Variants in LPA observed in about 807,000 individuals in gnomAD.
LPA encodes lipoprotein(a).
Under a neutral mutation model 197.9 loss-of-function variants are expected in LPA, and 199 were observed. That is an observed-to-expected ratio of 1.01 (90% CI 0.90 to 1.13). The LOEUF (loss-of-function observed/expected upper bound fraction) is 1.13, where lower values mean the gene tolerates loss of function less well. Among genes scored for constraint, LPA ranks in the 50% most tolerant of loss-of-function variants. The pLI is 0.00. For synonymous variants in LPA, 715 were observed against 639.5 expected (o/e 1.12, Z -1.78); for missense variants, 1,853 against 1,785.8 (o/e 1.04, Z -0.68).
At chr6:160,565,883 A>C (rs6938647) in intron 28 of LPA, among the ~76,000 whole-genome samples, 129,966 of 152,182 alleles carry the variant, frequency 0.85, 55,965 homozygotes, top group East Asian at 1. Flanking sequence ...GTGACACATG[A>C]ACAAGTTTCA....
chr6:160,611,854 G>A (rs1212605305), intron 15 of LPA, 133 bp from the exon 16 acceptor site: 7 of 836,550 alleles, frequency 8.4e-6, no homozygotes, highest in South Asian at 1.8e-5. Flanking sequence ...TAGGCAGATG[G>A]ATGGGAGAAA....
intron 2 of LPA, 91 bp downstream of exon 2, chr6:160,650,247 T>C (rs542633644): frequency 3.0e-6 from 4 of 1,344,384 alleles, no homozygotes; most frequent in Middle Eastern, 2.6e-4. Context: ...GTGAGAAAAA[T>C]TTAATCATAA....
At chr6:160,532,025 C>G (rs547117221) in intron 38 of LPA, 135 bp from the exon 39 acceptor site, 3 of 990,292 alleles carry the variant, frequency 3.0e-6, no homozygotes, top group Non-Finnish European at 4.7e-6. Flanking sequence ...GCATATTACT[C>G]AAGCATCTGC....
chr6:160,555,436 C>CATATATATAT (rs770158265), intron 30 of LPA, among the ~76,000 whole-genome samples: 57 of 121,990 alleles, frequency 4.7e-4, no homozygotes, highest in African/African-American at 1.1e-3. Context: ...TTCCCTAGAA[C>CATATATATAT]ATATATATAT....
chr6:160,572,127 G>A (rs1453025495), intron 28 of LPA, among the ~76,000 whole-genome samples: 1 of 152,198 alleles, frequency 6.6e-6, no homozygotes, highest in Non-Finnish European at 1.5e-5. Context: ...GGCTAGGGGA[G>A]GGAGTTCCCT....
In LPA at chr6:160,542,714, C is replaced by T. The variant is rs1480015719; in HGVS notation, c.5493G>A (p.Trp1831Ter). 2 of 1,613,708 alleles carry T rather than the reference C, an allele frequency of 1.2e-6. No homozygotes were observed. Among genetic ancestry groups the T allele is most frequent in the African/African-American group, 1.3e-5 (1 of 74,864 alleles). The change falls in exon 34 of 39, where the codon TGG becomes TGA. Residue 1831 changes from tryptophan (W) to a stop codon, truncating the protein, a stop_gained. Transcript: ENST00000316300. LOFTEE classifies it high-confidence loss of function. The part of the protein sequence containing the change: ...VGGCVAHPHS[W>*]PWQVSLRTRF... ...TTGTTCTGAGACTGACTTGCCAGGG[C>T]CAGGAATGTGGGTGGGCCACACACC... is the stretch of plus-strand genomic sequence containing the variant.
At position 160,575,428 on chromosome 6, in the gene LPA, A is replaced by T. The variant is rs963201038; in HGVS notation, c.4631+1708T>A. On this transcript the variant is annotated intron_variant, in intron 28 of 38. Coordinates refer to ENST00000316300, the MANE Select transcript of LPA (RefSeq NM_005577.4). ...CTTCTTGTATGTCTAGTAAATTTTT[A>T]AATTTATGTCACATATTGTGGATGC... Among the ~76,000 whole-genome samples, 4 of 152,276 alleles carry T rather than the reference A, an allele frequency of 2.6e-5. No individual in the cohort carries two copies. The East Asian group carries it at 5.8e-4, about 22-fold the overall frequency.
At chr6:160,610,442 T>C (rs1351612524) in intron 16 of LPA, among the ~76,000 whole-genome samples, 4 of 152,154 alleles carry the variant, frequency 2.6e-5, no homozygotes, top group Non-Finnish European at 5.9e-5. Context: ...GTGAGCACTC[T>C]CTCATCTAGC....
intron 28 of LPA, among the ~76,000 whole-genome samples, chr6:160,572,662 T>A (rs1778583899): frequency 6.6e-6 from 1 of 152,216 alleles, no homozygotes; most frequent in Non-Finnish European, 1.5e-5. Context: ...CCTTCATATA[T>A]GATGCTTACT....
At chr6:160,662,068 T>C (rs1780236338) in intron 1 of LPA, among the ~76,000 whole-genome samples, 1 of 152,194 alleles carries the variant, frequency 6.6e-6, no homozygotes, top group East Asian at 1.9e-4. Flanking sequence ...TGCTAGGAAA[T>C]ATCCCAAAAC....
In LPA at chr6:160,555,455, A is replaced by ATATATATATATATG. The variant is rs1287454419; in HGVS notation, c.4973+569_4973+570insCATATATATATATA. ...CTAGAACATATATATATATATATAT[A>ATATATATATATATG]TGTGTGTGTATATATATATGTATAT... is the stretch of plus-strand genomic sequence containing the variant. On this transcript the variant is annotated intron_variant, in intron 30 of 38. Coordinates refer to ENST00000316300, the MANE Select transcript of LPA (RefSeq NM_005577.4). 5.5e-3 allele frequency among the ~76,000 whole-genome samples: 728 copies of ATATATATATATATG among 133,006 alleles called. 1 individual carries two copies. The highest frequency in any genetic ancestry group is 0.018 in the South Asian group (74 of 4,094). 87.3% of individuals were successfully genotyped at this position (133,006 alleles called of 152,430 possible). A position where few individuals can be genotyped will look rare whatever the true frequency, so the allele number is the denominator to read the frequency against.
intron 30 of LPA, among the ~76,000 whole-genome samples, chr6:160,552,600 A>G (rs955101785): frequency 2.0e-5 from 3 of 152,198 alleles, no homozygotes; most frequent in African/African-American, 7.2e-5. Context: ...TGTTTCTTCA[A>G]TTTGACCACA....
Position 160,560,501 on chromosome 6 carries a change from GTA to G in LPA, c.4632-2932_4632-2931del, listed in dbSNP as rs570973679. ...TCGCCATTCTAACGGGCATGAGATG[GTA>G]TCTCATTGTGGTTTCGATTTGCATT... On this transcript the variant is annotated intron_variant, in intron 28 of 38. Transcript: ENST00000316300. Among the ~76,000 whole-genome samples the G allele has an allele frequency of 3.3e-5, 5 of 152,308 alleles. No homozygotes were observed. In the South Asian group the frequency reaches 1.0e-3, roughly 32 times the overall value.
At chr6:160,550,169 C>T (rs1482907845) in intron 30 of LPA, among the ~76,000 whole-genome samples, 1 of 151,232 alleles carries the variant, frequency 6.6e-6, no homozygotes, top group Non-Finnish European at 1.5e-5. Context: ...TGCAATCAGC[C>T]GAGATTGGGC....
intron 19 of LPA, 143 bp downstream of exon 19, chr6:160,600,774 G>T: frequency 1.1e-6 from 1 of 920,506 alleles, no homozygotes; most frequent in Non-Finnish European, 1.7e-6. Flanking sequence ...CCCAGAGAGT[G>T]CGCTAAGGCT....
chr6:160,575,741 T>C (rs942269936), intron 28 of LPA, among the ~76,000 whole-genome samples: 1 of 152,224 alleles, frequency 6.6e-6, no homozygotes, highest in African/African-American at 2.4e-5. Context: ...CCATCTCCAT[T>C]GAACTCATTG....
chr6:160,581,378 C>T (rs540304178), intron 26 of LPA, among the ~76,000 whole-genome samples: 7 of 152,232 alleles, frequency 4.6e-5, no homozygotes, highest in Admixed American at 4.6e-4. Flanking sequence ...TGGCTCATTT[C>T]AGCCTCCACC....
chr6:160,547,096 G>A (rs1338404400), intron 32 of LPA, among the ~76,000 whole-genome samples: 1 of 152,140 alleles, frequency 6.6e-6, no homozygotes, highest in African/African-American at 2.4e-5. Context: ...GATGACTCAA[G>A]TACCTTCCAT....
chr6:160,583,751 C>T (rs1423933283), intron 26 of LPA, among the ~76,000 whole-genome samples: 4 of 151,116 alleles, frequency 2.6e-5, no homozygotes, highest in African/African-American at 2.5e-5. Flanking sequence ...TAGAAAATCT[C>T]GGTTTTATTA....
Sources: allele counts gnomAD v4.1 joint callset (sites outside exome capture counted in the v4.1 genomes callset), GRCh38; gene constraint gnomAD v4.1.1; transcripts MANE v1.5; gene names NCBI Gene and HGNC (gene_info 2026-07-23, HGNC 2026-07-21).